The following FOCAD variants were observed in gnomAD, a reference collection of about 807,000 sequenced individuals.
FOCAD encodes focadhesin.
Under a neutral mutation model 225.6 loss-of-function variants are expected in FOCAD, and 198 were observed. The ratio of observed to expected loss-of-function variants is 0.88; its 90% CI spans 0.78 to 0.99. FOCAD has a LOEUF of 0.99. Among genes scored for constraint, FOCAD ranks in the 50% least tolerant of loss-of-function variants. FOCAD has a pLI of 0.00. For synonymous variants in FOCAD, 897 were observed against 755.0 expected (o/e 1.19, Z -3.08); for missense variants, 2,713 against 2,123.6 (o/e 1.28, Z -5.46).
At chr9:20,831,356 C>T (rs771863261) in intron 15 of FOCAD, among the ~76,000 whole-genome samples, 1 of 152,030 alleles carries the variant, frequency 6.6e-6, no homozygotes, top group Non-Finnish European at 1.5e-5. Flanking sequence ...GTTGCAACAA[C>T]AAACATGAGG....
intron 4 of FOCAD, among the ~76,000 whole-genome samples, chr9:20,721,577 C>T (rs1158683069): frequency 1.3e-5 from 2 of 152,066 alleles, no homozygotes; most frequent in Non-Finnish European, 2.9e-5. Flanking sequence ...TGATGCGTGC[C>T]TGTAATCCCA....
At chr9:20,950,051 T>G (rs886693350) in intron 33 of FOCAD, among the ~76,000 whole-genome samples, 2 of 152,066 alleles carry the variant, frequency 1.3e-5, no homozygotes, top group Admixed American at 1.3e-4. Flanking sequence ...CTGATAAAAG[T>G]GTTTGGGCAT....
At chr9:20,817,061 A>T (rs1823801654) in intron 11 of FOCAD, among the ~76,000 whole-genome samples, 1 of 152,182 alleles carries the variant, frequency 6.6e-6, no homozygotes, top group South Asian at 2.1e-4. Context: ...GATACTGAGG[A>T]ATGACTGCTG....
At chr9:20,871,956 G>T (rs191315028) in intron 18 of FOCAD, among the ~76,000 whole-genome samples, 8 of 150,910 alleles carry the variant, frequency 5.3e-5, no homozygotes, top group African/African-American at 1.7e-4. Context: ...GTGATCAGAG[G>T]AGAAAGGAAA....
intron 4 of FOCAD, among the ~76,000 whole-genome samples, chr9:20,725,916 C>T (rs1826159398): frequency 6.6e-6 from 1 of 152,030 alleles, no homozygotes; most frequent in Non-Finnish European, 1.5e-5. Context: ...TTTATAGCTT[C>T]TGTAAACAAA....
intron 21 of FOCAD, among the ~76,000 whole-genome samples, chr9:20,900,185 T>A (rs1187475372): frequency 6.6e-6 from 1 of 151,980 alleles, no homozygotes; most frequent in Non-Finnish European, 1.5e-5. Flanking sequence ...CTAAATTGGC[T>A]GATGCTGATT....
At chr9:20,900,881 G>A (rs1214104184) in intron 21 of FOCAD, among the ~76,000 whole-genome samples, 1 of 151,864 alleles carries the variant, frequency 6.6e-6, no homozygotes, top group African/African-American at 2.4e-5. Flanking sequence ...ATTGGAAACA[G>A]TGGAGAGGTA....
chr9:20,700,295 T>G (rs1587260206), intron 1 of FOCAD, among the ~76,000 whole-genome samples: 1 of 152,256 alleles, frequency 6.6e-6, no homozygotes, highest in East Asian at 1.9e-4. Flanking sequence ...CATGTAAAAC[T>G]TATGTTGTAT....
chr9:20,770,906 A>G (rs531407917), intron 8 of FOCAD, among the ~76,000 whole-genome samples: 1 of 152,336 alleles, frequency 6.6e-6, no homozygotes, highest in African/African-American at 2.4e-5. Flanking sequence ...ATATAGTAAT[A>G]TGCCAGGCTT....
intron 15 of FOCAD, among the ~76,000 whole-genome samples, chr9:20,843,219 A>G (rs1023211983): frequency 3.9e-5 from 6 of 152,030 alleles, no homozygotes; most frequent in African/African-American, 1.4e-4. Flanking sequence ...TCTTCAGATG[A>G]TTTCCAAATG....
intron 8 of FOCAD, among the ~76,000 whole-genome samples, chr9:20,773,919 C>G (rs1474905164): frequency 6.6e-6 from 1 of 152,116 alleles, no homozygotes; most frequent in Non-Finnish European, 1.5e-5. Flanking sequence ...TGGTTCCTTG[C>G]TTGTTAGGAA....
At chr9:20,946,607 TG>T (rs939208077) in intron 29 of FOCAD, 93 bp from the exon 30 acceptor site, 19 of 1,375,570 alleles carry the variant, frequency 1.4e-5, no homozygotes, top group Admixed American at 2.2e-5. Flanking sequence ...ATTCTTACTC[TG>T]GGGGGGAGTT....
intron 14 of FOCAD, 29 bp downstream of exon 14, chr9:20,821,100 A>G (rs1267868538): frequency 3.2e-6 from 5 of 1,585,922 alleles, no homozygotes; most frequent in South Asian, 2.3e-5. Context: ...TTAGGAATGT[A>G]TATCATGATA....
intron 35 of FOCAD, among the ~76,000 whole-genome samples, chr9:20,962,513 A>G (rs1210728121): frequency 6.6e-6 from 1 of 152,116 alleles, no homozygotes; most frequent in Non-Finnish European, 1.5e-5. Flanking sequence ...GAAAGTAAAG[A>G]TATGTCCAAA....
At chr9:20,754,243 C>T (rs551689094) in intron 5 of FOCAD, among the ~76,000 whole-genome samples, 1 of 152,260 alleles carries the variant, frequency 6.6e-6, no homozygotes, top group African/African-American at 2.4e-5. Flanking sequence ...TACAGCAAGA[C>T]TGAGCAATAC....
At chr9:20,814,629 A>T (rs1197526908) in intron 11 of FOCAD, among the ~76,000 whole-genome samples, 1 of 151,992 alleles carries the variant, frequency 6.6e-6, no homozygotes, top group Non-Finnish European at 1.5e-5. Context: ...GAGTACTGAG[A>T]TTACAGGCAT....
chr9:20,755,556 G>C (rs898643057), intron 5 of FOCAD, among the ~76,000 whole-genome samples: 1 of 152,056 alleles, frequency 6.6e-6, no homozygotes, highest in Admixed American at 6.6e-5. Context: ...TGTGAAGGAT[G>C]GAAGGGAGAT....
At chr9:20,918,992 G>A (rs1032614902) in intron 24 of FOCAD, among the ~76,000 whole-genome samples, 2 of 152,028 alleles carry the variant, frequency 1.3e-5, no homozygotes, top group African/African-American at 2.4e-5. Context: ...TTGGGTCAGG[G>A]TATGGCTTGT....
chr9:20,827,416 C>G (rs540422096), intron 15 of FOCAD, among the ~76,000 whole-genome samples: 4 of 152,076 alleles, frequency 2.6e-5, no homozygotes, highest in Non-Finnish European at 5.9e-5. Context: ...CTGTTTGGCT[C>G]TACCACATTT....
Sources: allele counts gnomAD v4.1 joint callset (sites outside exome capture counted in the v4.1 genomes callset), GRCh38; gene constraint gnomAD v4.1.1; transcripts MANE v1.5; gene names NCBI Gene and HGNC (gene_info 2026-07-23, HGNC 2026-07-21).